KCNIP4: variants seen among roughly 807,000 people sequenced by gnomAD.
The protein encoded by KCNIP4 is Kv channel-interacting protein 4.
Under a neutral mutation model 34.0 loss-of-function variants are expected in KCNIP4, and 12 were observed. The observed-to-expected ratio is 0.35, with a 90% confidence interval of 0.23 to 0.57. The LOEUF (loss-of-function observed/expected upper bound fraction) is 0.57. KCNIP4 is among the 20% of genes least tolerant of loss of function. The pLI is 0.83. For synonymous variants in KCNIP4, 124 were observed against 102.2 expected, an observed-to-expected ratio of 1.21 and a Z score of -1.29; for missense variants, 238 against 311.7, an observed-to-expected ratio of 0.76 and a Z score of 1.78.
At chr4:21,634,287 C>T (rs1200665917) in intron 1 of KCNIP4, among the ~76,000 whole-genome samples, 1 of 148,206 alleles carries the variant, frequency 6.7e-6, no homozygotes, top group Non-Finnish European at 1.5e-5. Context: ...TAAGTGGTTT[C>T]CTAAAACCCC....
intron 1 of KCNIP4, among the ~76,000 whole-genome samples, chr4:21,540,696 T>C (rs1350301374): frequency 6.6e-6 from 1 of 152,182 alleles, no homozygotes; most frequent in Non-Finnish European, 1.5e-5. Context: ...TTTGATCCAT[T>C]ATTTACCAAA....
chr4:21,484,375 C>T (rs949755218), intron 1 of KCNIP4, among the ~76,000 whole-genome samples: 11 of 151,652 alleles, frequency 7.3e-5, no homozygotes, highest in South Asian at 2.1e-4. Context: ...TGCAGTGAGG[C>T]GAGATCACGC....
chr4:21,552,786 A>G (rs1401711556), intron 1 of KCNIP4, among the ~76,000 whole-genome samples: 1 of 152,114 alleles, frequency 6.6e-6, no homozygotes, highest in Non-Finnish European at 1.5e-5. Flanking sequence ...GTAGAGCAAT[A>G]TTCCCAGACC....
chr4:20,896,456 G>T (rs886723736), intron 1 of KCNIP4, among the ~76,000 whole-genome samples: 1 of 152,132 alleles, frequency 6.6e-6, no homozygotes, highest in Non-Finnish European at 1.5e-5. Flanking sequence ...TTTAGGGTGG[G>T]CCCTATAGCC....
At chr4:21,394,383 G>A (rs1384722513) in intron 1 of KCNIP4, among the ~76,000 whole-genome samples, 1 of 152,082 alleles carries the variant, frequency 6.6e-6, no homozygotes. Context: ...CAACCTCAGA[G>A]TAGTTAAGTG....
intron 3 of KCNIP4, among the ~76,000 whole-genome samples, chr4:20,796,873 T>C (rs1384688948): frequency 1.3e-5 from 2 of 152,362 alleles, no homozygotes; most frequent in South Asian, 2.1e-4. Flanking sequence ...AATATCCGTG[T>C]TCAAAAACAC....
intron 1 of KCNIP4, among the ~76,000 whole-genome samples, chr4:21,889,502 A>T (rs1332327889): frequency 6.6e-6 from 1 of 152,130 alleles, no homozygotes; most frequent in African/African-American, 2.4e-5. Context: ...CATTTACCAC[A>T]AATGTAGATC....
At chr4:21,717,405 T>C (rs1714470436) in intron 1 of KCNIP4, among the ~76,000 whole-genome samples, 1 of 152,166 alleles carries the variant, frequency 6.6e-6, no homozygotes, top group Admixed American at 6.5e-5. Flanking sequence ...ATTAACTATA[T>C]AACTCCCTAG....
At chr4:21,897,652 A>C (rs1053410808) in intron 1 of KCNIP4, among the ~76,000 whole-genome samples, 4 of 152,202 alleles carry the variant, frequency 2.6e-5, no homozygotes, top group Non-Finnish European at 4.4e-5. Context: ...AGAATGAATA[A>C]TCTAAAGGAC....
chr4:21,911,785 C>A (rs1487523916), intron 1 of KCNIP4, among the ~76,000 whole-genome samples: 1 of 151,988 alleles, frequency 6.6e-6, no homozygotes, highest in Non-Finnish European at 1.5e-5. Context: ...GATCCTAATT[C>A]AGGCACAGCC....
chr4:21,552,961 A>C (rs1351637007), intron 1 of KCNIP4, among the ~76,000 whole-genome samples: 1 of 152,144 alleles, frequency 6.6e-6, no homozygotes, highest in Non-Finnish European at 1.5e-5. Flanking sequence ...CATCCTACTC[A>C]GCTGTCCAGA....
chr4:20,764,793 G>A (rs1204963876), intron 3 of KCNIP4, among the ~76,000 whole-genome samples: 2 of 152,050 alleles, frequency 1.3e-5, no homozygotes, highest in African/African-American at 4.8e-5. Context: ...TGAGGCGTTT[G>A]GACAGGTCCC....
intron 2 of KCNIP4, among the ~76,000 whole-genome samples, chr4:20,855,204 A>G (rs1330996511): frequency 6.6e-6 from 1 of 152,120 alleles, no homozygotes; most frequent in Non-Finnish European, 1.5e-5. Context: ...TGTGTCTCAA[A>G]TATCATCCTT....
At chr4:21,722,644 T>C (rs1007410282) in intron 1 of KCNIP4, among the ~76,000 whole-genome samples, 2 of 152,118 alleles carry the variant, frequency 1.3e-5, no homozygotes, top group African/African-American at 4.8e-5. Flanking sequence ...CACAAGTCAA[T>C]TCAAATTATA....
At chr4:21,318,386 A>G (rs911865496) in intron 1 of KCNIP4, among the ~76,000 whole-genome samples, 1 of 152,150 alleles carries the variant, frequency 6.6e-6, no homozygotes, top group Non-Finnish European at 1.5e-5. Flanking sequence ...CAATCCTAAT[A>G]ATTAATTTCT....
At chr4:21,010,075 CTCT>C (rs1265971727) in intron 1 of KCNIP4, among the ~76,000 whole-genome samples, 1 of 152,186 alleles carries the variant, frequency 6.6e-6, no homozygotes, top group Non-Finnish European at 1.5e-5. Context: ...TCCCAAAGGA[CTCT>C]TCTTCAAATA....
chr4:21,775,091 G>C (rs1719083272), intron 1 of KCNIP4, among the ~76,000 whole-genome samples: 1 of 152,120 alleles, frequency 6.6e-6, no homozygotes, highest in South Asian at 2.1e-4. Flanking sequence ...AGTTTGTCTA[G>C]TTTTGGTCTT....
chr4:20,795,872 A>T (rs1044047591), intron 3 of KCNIP4, among the ~76,000 whole-genome samples: 1 of 152,184 alleles, frequency 6.6e-6, no homozygotes, highest in African/African-American at 2.4e-5. Context: ...TTTTCATAAG[A>T]TGGTTCACAA....
intron 1 of KCNIP4, among the ~76,000 whole-genome samples, chr4:21,417,018 A>G (rs1725006624): frequency 6.6e-6 from 1 of 152,164 alleles, no homozygotes; most frequent in African/African-American, 2.4e-5. Flanking sequence ...GCTGTTTCAA[A>G]GTGTTTGCCT....
Sources: allele counts gnomAD v4.1 joint callset (sites outside exome capture counted in the v4.1 genomes callset), GRCh38; gene constraint gnomAD v4.1.1; transcripts MANE v1.5; gene names NCBI Gene and HGNC (gene_info 2026-07-23, HGNC 2026-07-21).